Variants in WRAP53 observed in about 807,000 individuals in gnomAD.
The protein encoded by WRAP53 is telomerase Cajal body protein 1.
In WRAP53, 28 loss-of-function variants were observed where a neutral mutation model predicts 56.6. The ratio of observed to expected loss-of-function variants is 0.50; its 90% CI spans 0.37 to 0.68. The LOEUF (loss-of-function observed/expected upper bound fraction) is 0.68. Among genes scored for constraint, WRAP53 ranks in the 30% least tolerant of loss-of-function variants. The pLI, the probability that WRAP53 is intolerant of heterozygous loss-of-function variation, is 0.00. For synonymous variants in WRAP53, 283 were observed against 283.4 expected (o/e 1.00, Z 0.01); for missense variants, 671 against 715.5 (o/e 0.94, Z 0.71).
chr17:7,700,397 C>T (rs1280120541), intron 4 of WRAP53, among the ~76,000 whole-genome samples: 1 of 151,722 alleles, frequency 6.6e-6, no homozygotes, highest in Non-Finnish European at 1.5e-5. Flanking sequence ...GTAATCCCAG[C>T]ACTTTTGGAG....
chr17:7,692,387 A>G (rs1232318780), intron 4 of WRAP53, among the ~76,000 whole-genome samples: 1 of 151,472 alleles, frequency 6.6e-6, no homozygotes, highest in Non-Finnish European at 1.5e-5. Flanking sequence ...TGGGAGGCTG[A>G]GGCAGGTGGA....
chr17:7,697,667 A>G (rs2074204763), intron 4 of WRAP53, among the ~76,000 whole-genome samples: 1 of 152,226 alleles, frequency 6.6e-6, no homozygotes, highest in Non-Finnish European at 1.5e-5. Context: ...TCAAAAAGAA[A>G]AAAAAAGAAA....
At position 7,702,617 on chromosome 17, in the gene WRAP53, G is replaced by A; in HGVS notation, c.1164+65G>A. The stretch of plus-strand genomic sequence containing the variant: ...CGGGGCAGGAGCAGGGATGTAGTCT[G>A]CAGTGTAGGGGAATGGGTGGGGATG... On this transcript the variant is annotated intron_variant, in intron 8 of 10. Transcript: ENST00000396463. The surrounding 1 kb of genome is among the most constrained non-coding windows in gnomAD (Gnocchi z 5.0). 5.0e-6 allele frequency: 8 copies of A among 1,595,716 alleles called. No individual in the cohort carries two copies. In the South Asian group the frequency reaches 7.7e-5, roughly 15 times the overall value.
In WRAP53 at chr17:7,699,522, T is replaced by TATATATATATA. The variant is rs1567577715; in HGVS notation, c.643-1219_643-1218insATATATATATA. Among the ~76,000 whole-genome samples the TATATATATATA allele has an allele frequency of 5.7e-4, 8 of 14,094 alleles. 1 individual carries two copies. Among genetic ancestry groups the TATATATATATA allele is most frequent in the African/African-American group, 7.0e-4 (2 of 2,864 alleles). 9.2% of individuals were successfully genotyped at this position (14,094 alleles called of 152,430 possible). A position where few individuals can be genotyped will look rare whatever the true frequency, so the allele number is the denominator to read the frequency against. ...TATATTTATATATATATATATATAT[T>TATATATATATA]TATATATATATATATATTCCTAAGG... On this transcript the variant is annotated intron_variant, in intron 4 of 10. Coordinates refer to ENST00000396463, the MANE Select transcript of WRAP53 (RefSeq NM_001143992.2).
chr17:7,696,278 C>T (rs1465615546), intron 4 of WRAP53, among the ~76,000 whole-genome samples: 1 of 127,186 alleles, frequency 7.9e-6, no homozygotes, highest in Admixed American at 8.2e-5. Flanking sequence ...GTCAAAATGG[C>T]GGGACTCAGA....
rs2074278770 is a variant in WRAP53, at chr17:7,701,774, G to A, written c.940G>A (p.Val314Ile). Residue 314 changes from valine to isoleucine, a missense_variant, in exon 7 of 11, where the codon GTC becomes ATC. Physicochemically the swap from Val to Ile is conservative, Grantham distance 29. Coordinates refer to ENST00000396463, the MANE Select transcript of WRAP53 (RefSeq NM_001143992.2). This position sits in a 1 kb window ranked among gnomAD's most constrained non-coding sequence, Gnocchi z 4.2. ...GGCCCGGCCTGGCCGAGACTGCGAG[G>A]TCCGAGCCACATTTGGTAAGCATCT... ...STARPGRDCE[V>I]RATFAKKQGQ... 1 of 1,613,654 alleles carries A rather than the reference G, an allele frequency of 6.2e-7. No homozygotes were observed. Among genetic ancestry groups the A allele is most frequent in the African/African-American group, 1.3e-5 (1 of 74,942 alleles).
intron 4 of WRAP53, among the ~76,000 whole-genome samples, chr17:7,698,299 TAGA>T (rs1167772003): frequency 3.3e-5 from 5 of 152,300 alleles, no homozygotes; most frequent in South Asian, 2.1e-4. Flanking sequence ...TGATTCTAAA[TAGA>T]AGAAGGGTAG....
intron 4 of WRAP53, among the ~76,000 whole-genome samples, chr17:7,696,536 GA>G (rs2074188647): frequency 6.6e-6 from 1 of 152,120 alleles, no homozygotes; most frequent in Admixed American, 6.6e-5. Context: ...CTGACCTTGT[GA>G]TCCGCCCGCC....
intron 4 of WRAP53, 23 bp from the exon 5 acceptor site, chr17:7,700,718 G>T: frequency 6.3e-7 from 1 of 1,583,234 alleles, no homozygotes; most frequent in East Asian, 2.2e-5. Context: ...GAGTGACTCA[G>T]CCATTCCCCC....
chr17:7,694,789 T>C (rs1157376584), intron 4 of WRAP53, among the ~76,000 whole-genome samples: 1 of 151,682 alleles, frequency 6.6e-6, no homozygotes, highest in Non-Finnish European at 1.5e-5. Context: ...GATTGCACCA[T>C]TGTACTCTAG....
In WRAP53 at chr17:7,701,581, G is replaced by T. The variant is rs375534431; in HGVS notation, c.822+32G>T. The T allele has an allele frequency of 6.2e-7, 1 of 1,614,228 alleles. No homozygotes were observed. Among genetic ancestry groups the T allele is most frequent in the South Asian group, 1.1e-5 (1 of 91,088 alleles). Reference sequence around the variant, plus strand: ...ACCGCCATACTCAGCCCCAGCACTCGTACTGGCCCGGCTCTCCTTCCTTGA... The same window carrying T: ...ACCGCCATACTCAGCCCCAGCACTCTTACTGGCCCGGCTCTCCTTCCTTGA... On this transcript the variant is annotated intron_variant, in intron 6 of 10. Transcript: ENST00000396463. The surrounding 1 kb of genome is among the most constrained non-coding windows in gnomAD (Gnocchi z 4.2).
At chr17:7,692,784 G>A (rs1407916920) in intron 4 of WRAP53, among the ~76,000 whole-genome samples, 8 of 109,720 alleles carry the variant, frequency 7.3e-5, no homozygotes, top group East Asian at 2.7e-4. Flanking sequence ...ACAGAGTCTC[G>A]CTCTGTCACC....
chr17:7,688,575 G>T lies in WRAP53; in HGVS notation c.-2+14G>T. On this transcript the variant is annotated intron_variant, in intron 1 of 10. Transcript: ENST00000396463. ...AGGGAAGCACAGGTGGGTTTCTTTA[G>T]CTCTGCGTCGGATCCCTGAGAACTT... 6.4e-7 allele frequency: 1 copy of T among 1,554,312 alleles called. No individual in the cohort carries two copies. Among genetic ancestry groups the T allele is most frequent in the Non-Finnish European group, 8.8e-7 (1 of 1,141,562 alleles).
Position 7,702,268 on chromosome 17 carries a change from G to T in WRAP53, c.956-76G>T. The stretch of plus-strand genomic sequence containing the variant: ...TCCAAGCATGTTGGTGCTGGGACGG[G>T]AGACAGACCTCTGCTTAGCCTGGTT... On this transcript the variant is annotated intron_variant, in intron 7 of 10. Coordinates refer to ENST00000396463, the MANE Select transcript of WRAP53 (RefSeq NM_001143992.2). The surrounding 1 kb of genome is among the most constrained non-coding windows in gnomAD (Gnocchi z 5.0). The T allele has an allele frequency of 6.6e-7, 1 of 1,516,264 alleles. No homozygotes were observed. The highest frequency in any genetic ancestry group is 1.4e-5 in the African/African-American group (1 of 73,016). 93.9% of individuals were successfully genotyped at this position (1,516,264 alleles called of 1,614,324 possible).
At chr17:7,699,446 A>G (rs1477926420) in intron 4 of WRAP53, among the ~76,000 whole-genome samples, 2 of 66,200 alleles carry the variant, frequency 3.0e-5, no homozygotes, top group East Asian at 5.0e-4. Context: ...AAATTTATAT[A>G]TATATATATA....
rs754489792 is a variant in WRAP53 at position 7,701,486 on chromosome 17, G to A, written c.759G>A (p.Pro253=). The change falls in exon 6 of 11, where the codon CCG becomes CCA. Residue 253 remains proline, a synonymous_variant. Coordinates refer to ENST00000396463, the MANE Select transcript of WRAP53 (RefSeq NM_001143992.2). The surrounding 1 kb of genome is among the most constrained non-coding windows in gnomAD (Gnocchi z 4.2). ...SYVASSSREN[P]IHIWDAFTGE... is the part of the protein sequence containing the mutation. ...TGGCCAGCAGCAGCCGGGAGAACCC[G>A]ATTCATATCTGGGACGCATTCACTG... 8.1e-6 allele frequency: 13 copies of A among 1,614,108 alleles called. No homozygotes were observed. The highest frequency in any genetic ancestry group is 1.1e-5 in the South Asian group (1 of 91,086).
In WRAP53 at chr17:7,703,267, G is replaced by A; in HGVS notation, c.1428G>A (p.Leu476=). ...GCCTGCACCCTAGCCTGCCTCTCCT[G>A]GCCACTGCCTCCGGTCAGCGTGTGT... ...GVSLHPSLPL[L]ATASGQRVFP... Residue 476 remains leucine, a synonymous_variant, in exon 11 of 11, where the codon CTG becomes CTA. Coordinates refer to ENST00000396463, the MANE Select transcript of WRAP53 (RefSeq NM_001143992.2). 1 of 1,613,742 alleles carries A rather than the reference G, an allele frequency of 6.2e-7. No individual in the cohort carries two copies. Among genetic ancestry groups the A allele is most frequent in the Non-Finnish European group, 8.5e-7 (1 of 1,180,026 alleles).
At chr17:7,691,209 A>AAAAC (rs56358570) in intron 4 of WRAP53, among the ~76,000 whole-genome samples, 20,033 of 148,922 alleles carry the variant, frequency 0.13, 1,668 homozygotes, top group East Asian at 0.27. Flanking sequence ...ACTCCATCCC[A>AAAAC]AAACAAACAA....
Position 7,701,651 on chromosome 17 carries a change from C to T in WRAP53, c.823-6C>T. Reference sequence around the variant, plus strand: ...AGACCTGTTTTCAGCCCTTTCCTTCCCCCAGGATGAGCTGACGGCAGCCCA... The same window carrying T: ...AGACCTGTTTTCAGCCCTTTCCTTCTCCCAGGATGAGCTGACGGCAGCCCA... On this transcript the variant is annotated splice_polypyrimidine_tract_variant and splice_region_variant and intron_variant, in intron 6 of 10. Transcript: ENST00000396463. This position sits in a 1 kb window ranked among gnomAD's most constrained non-coding sequence, Gnocchi z 4.2. The T allele has an allele frequency of 1.2e-6, 2 of 1,614,250 alleles. No individual in the cohort carries two copies. The highest frequency in any genetic ancestry group is 1.7e-6 in the Non-Finnish European group (2 of 1,180,052).
Sources: allele counts gnomAD v4.1 joint callset (sites outside exome capture counted in the v4.1 genomes callset), GRCh38; gene constraint gnomAD v4.1.1; non-coding constraint Gnocchi (gnomAD v3.1); transcripts MANE v1.5; gene names NCBI Gene and HGNC (gene_info 2026-07-23, HGNC 2026-07-21).